Variants in ATOH8 observed in about 807,000 individuals in gnomAD.
ATOH8 encodes the protein transcription factor ATOH8.
A neutral mutation model predicts 21.2 loss-of-function variants in ATOH8; 9 were observed. The ratio of observed to expected loss-of-function variants is 0.42; its 90% CI spans 0.26 to 0.74. The LOEUF is 0.74. Among genes scored for constraint, ATOH8 ranks in the 30% least tolerant of loss-of-function variants. The pLI is 0.24. For missense variants in ATOH8, 524 were observed against 470.9 expected (o/e 1.11, Z -1.04); for synonymous variants, 253 against 224.0 (o/e 1.13, Z -1.16).
intron 2 of ATOH8, among the ~76,000 whole-genome samples, chr2:85,778,126 A>G (rs553177375): frequency 6.6e-6 from 1 of 152,364 alleles, no homozygotes; most frequent in East Asian, 1.9e-4. Flanking sequence ...AGATACTAAT[A>G]TTACCATTTT....
intron 2 of ATOH8, among the ~76,000 whole-genome samples, chr2:85,784,396 G>C (rs1680572315): frequency 6.6e-6 from 1 of 152,014 alleles, no homozygotes; most frequent in Non-Finnish European, 1.5e-5. Context: ...TAAAAAATTA[G>C]CCAGGCATGG....
At chr2:85,764,680 G>A (rs968865756) in intron 2 of ATOH8, among the ~76,000 whole-genome samples, 2 of 152,290 alleles carry the variant, frequency 1.3e-5, no homozygotes, top group South Asian at 4.2e-4. Flanking sequence ...GACTGATGAA[G>A]CTCCAACCAT....
In ATOH8 at chr2:85,788,659, G is replaced by A. The variant is rs1423398735; in HGVS notation, c.*1769G>A. ...AGGGCTGGCCAAGGAAAGGGGGATA[G>A]GAGGGGACCGGAGGCTGCAGCCATA... On this transcript the variant is annotated 3_prime_UTR_variant, in exon 3 of 3. Coordinates refer to ENST00000306279, the MANE Select transcript of ATOH8 (RefSeq NM_032827.7). Among the ~76,000 whole-genome samples the A allele has an allele frequency of 6.6e-6, 1 of 152,208 alleles. No homozygotes were observed. The highest frequency in any genetic ancestry group is 1.5e-5 in the Non-Finnish European group (1 of 68,028).
chr2:85,768,521 T>C (rs1298751092), intron 2 of ATOH8, among the ~76,000 whole-genome samples: 1 of 152,096 alleles, frequency 6.6e-6, no homozygotes. Context: ...GCTGGTGTGA[T>C]TGGCGGCCAT....
At position 85,766,712 on chromosome 2, in the gene ATOH8, T is replaced by C. The variant is rs1411541056; in HGVS notation, c.960+2530T>C. On this transcript the variant is annotated intron_variant, in intron 2 of 2. Transcript: ENST00000306279. This position sits in a 1 kb window ranked among gnomAD's most constrained non-coding sequence, Gnocchi z 4.0. Reference sequence around the variant, plus strand: ...CAGGACCCCTGGAGTCGCTGGAGCCTTCGAGCTCCCAGGCAGCCCTTCCAG... The same window carrying C: ...CAGGACCCCTGGAGTCGCTGGAGCCCTCGAGCTCCCAGGCAGCCCTTCCAG... Among the ~76,000 whole-genome samples, 1 of 152,178 alleles carries C rather than the reference T, an allele frequency of 6.6e-6. No individual in the cohort carries two copies. Among genetic ancestry groups the C allele is most frequent in the Non-Finnish European group, 1.5e-5 (1 of 68,032 alleles).
chr2:85,780,817 A>G (rs1680462290), intron 2 of ATOH8: 1 of 951,824 alleles, frequency 1.1e-6, no homozygotes. Context: ...GCCCGGACAC[A>G]GCACTATCCT....
intron 2 of ATOH8, among the ~76,000 whole-genome samples, chr2:85,770,002 T>C (rs766764708): frequency 1.6e-4 from 25 of 152,316 alleles, no homozygotes; most frequent in African/African-American, 5.5e-4. Context: ...GACTGACCCC[T>C]GTGTTACTTC....
rs934671657 is a variant in ATOH8, at chr2:85,789,775, C to T, written c.*2885C>T. On this transcript the variant is annotated 3_prime_UTR_variant, in exon 3 of 3. Transcript: ENST00000306279. The stretch of plus-strand genomic sequence containing the variant: ...GCTGGTCTAAGTGGGGTCTGGTCTA[C>T]GATAAGAAAGTGACTTTGAGCCATC... Among the ~76,000 whole-genome samples, 1 of 152,054 alleles carries T rather than the reference C, an allele frequency of 6.6e-6. No individual in the cohort carries two copies. Among genetic ancestry groups the T allele is most frequent in the African/African-American group, 2.4e-5 (1 of 41,396 alleles).
intron 2 of ATOH8, among the ~76,000 whole-genome samples, chr2:85,776,769 G>GGCAGT (rs1680335372): frequency 1.3e-5 from 2 of 152,290 alleles, no homozygotes; most frequent in Admixed American, 1.3e-4. Flanking sequence ...GGCAGGGCAG[G>GGCAGT]GCAGAGCCAG....
chr2:85,770,532 C>T (rs1273456280), intron 2 of ATOH8, among the ~76,000 whole-genome samples: 4 of 152,224 alleles, frequency 2.6e-5, no homozygotes, highest in Non-Finnish European at 4.4e-5. Flanking sequence ...ATTACATAGA[C>T]GTTTGTCGCC....
rs539864853 is a variant in ATOH8 at position 85,787,103 on chromosome 2, C to T, written c.*213C>T. 4 of 606,906 alleles carry T rather than the reference C, an allele frequency of 6.6e-6. No individual in the cohort carries two copies. The highest frequency in any genetic ancestry group is 5.7e-5 in the East Asian group (2 of 34,850). 37.6% of individuals were successfully genotyped at this position (606,906 alleles called of 1,614,324 possible). On this transcript the variant is annotated 3_prime_UTR_variant, in exon 3 of 3. Transcript: ENST00000306279. ...ATCCGAGGCTGCTTCGCACTTTGCC[C>T]TCTGCCTGGTGGGGAGGGGAGAGCT... is the stretch of plus-strand genomic sequence containing the variant.
intron 1 of ATOH8, among the ~76,000 whole-genome samples, chr2:85,755,426 C>A (rs1440570673): frequency 6.6e-6 from 1 of 152,142 alleles, no homozygotes; most frequent in African/African-American, 2.4e-5. Context: ...GCGGTGATGC[C>A]CCGAACACTC....
intron 2 of ATOH8, among the ~76,000 whole-genome samples, chr2:85,768,169 T>TC (rs1305684241): frequency 6.6e-6 from 1 of 151,922 alleles, no homozygotes; most frequent in African/African-American, 2.4e-5. Context: ...GTTGCTGGAG[T>TC]CCATTGCTGT....
At chr2:85,773,185 A>T (rs996240436) in intron 2 of ATOH8, 2 of 253,580 alleles carry the variant, frequency 7.9e-6, no homozygotes, top group Admixed American at 1.1e-4. Context: ...TCAGCTCATC[A>T]GAGAGCTTCA....
chr2:85,781,984 G>A (rs10205074), intron 2 of ATOH8, among the ~76,000 whole-genome samples: 6,857 of 152,270 alleles, frequency 0.045, 511 homozygotes, highest in African/African-American at 0.16. Context: ...CTGGGGCCAA[G>A]ATGAACCCCA....
chr2:85,757,125 T>A (rs1273639203), intron 1 of ATOH8, among the ~76,000 whole-genome samples: 1 of 152,240 alleles, frequency 6.6e-6, no homozygotes, highest in African/African-American at 2.4e-5. Context: ...CTGTTCCTGT[T>A]TGTTTCCTCC....
At chr2:85,783,847 T>A (rs1301834381) in intron 2 of ATOH8, among the ~76,000 whole-genome samples, 1 of 147,552 alleles carries the variant, frequency 6.8e-6, no homozygotes, top group East Asian at 2.0e-4. Context: ...CACCCCCACA[T>A]GCACCCCCCG....
At chr2:85,782,358 ATAACT>A (rs1426526887) in intron 2 of ATOH8, among the ~76,000 whole-genome samples, 2 of 152,360 alleles carry the variant, frequency 1.3e-5, no homozygotes, top group Admixed American at 1.3e-4. Context: ...AAAAGGTAAA[ATAACT>A]TAAAGGCAGA....
At position 85,754,764 on chromosome 2, in the gene ATOH8, A is replaced by T; in HGVS notation, c.575A>T (p.Tyr192Phe). 1 of 1,612,720 alleles carries T rather than the reference A, an allele frequency of 6.2e-7. No homozygotes were observed. The highest frequency in any genetic ancestry group is 8.5e-7 in the Non-Finnish European group (1 of 1,179,770). ...CCGACGCGCCCCGGGGAAAGTTCCT[A>T]CTCGTCAATTTCACACGTAATTTAC... The part of the protein sequence containing the change: ...APPTRPGESS[Y>F]SSISHVIYNN... Residue 192 changes from tyrosine to phenylalanine, a missense_variant, in exon 1 of 3, where the codon TAC becomes TTC. Tyr to Phe is a conservative substitution (Grantham distance 22, BLOSUM62 3). Coordinates refer to ENST00000306279, the MANE Select transcript of ATOH8 (RefSeq NM_032827.7).
Sources: gnomAD v4.1 joint callset for allele counts (sites outside exome capture counted in the v4.1 genomes callset) on GRCh38, gnomAD v4.1.1 for gene constraint, Gnocchi (gnomAD v3.1) non-coding constraint, MANE v1.5 for transcripts, NCBI Gene and HGNC (gene_info 2026-07-23, HGNC 2026-07-21) for gene names.